SCN11A: variants seen among roughly 807,000 people sequenced by gnomAD.
The protein encoded by SCN11A is sodium voltage-gated channel alpha subunit 11.
A neutral mutation model predicts 162.2 loss-of-function variants in SCN11A; 122 were observed. The ratio of observed to expected loss-of-function variants is 0.75; its 90% confidence interval spans 0.65 to 0.87. The LOEUF (loss-of-function observed/expected upper bound fraction) is 0.87, where lower values mean the gene tolerates loss of function less well. SCN11A is among the 40% of genes least tolerant of loss of function. SCN11A has a pLI of 0.00. For synonymous variants in SCN11A, 758 were observed against 751.5 expected (o/e 1.01, Z -0.14); for missense variants, 2,015 against 2,181.6 (o/e 0.92, Z 1.52).
intron 2 of SCN11A, among the ~76,000 whole-genome samples, chr3:38,965,263 T>C (rs111741028): frequency 1.3e-5 from 2 of 152,172 alleles, no homozygotes; most frequent in Admixed American, 6.5e-5. Flanking sequence ...TAATAATTGT[T>C]TGTGAATAAA....
At chr3:38,892,275 T>A (rs748930616) in intron 19 of SCN11A, among the ~76,000 whole-genome samples, 8 of 152,142 alleles carry the variant, frequency 5.3e-5, no homozygotes, top group Non-Finnish European at 1.2e-4. Context: ...TAAAGAATAC[T>A]AAAGGACATC....
Position 38,846,925 on chromosome 3 carries a change from A to AG in SCN11A, c.5144_5145insC (p.Pro1716SerfsTer7), listed in dbSNP as rs760900397. 10 of 1,613,950 alleles carry AG rather than the reference A, an allele frequency of 6.2e-6. No individual in the cohort carries two copies. The highest frequency in any genetic ancestry group is 8.5e-6 in the Non-Finnish European group (10 of 1,179,974). Reference sequence around the variant, plus strand: ...TGGGTTCATACAACTTCTTGAGAGGATTGGCTTCCATGAACTTCTCTTCCA... The same window carrying AG: ...TGGGTTCATACAACTTCTTGAGAGGAGTTGGCTTCCATGAACTTCTCTTCCA... On this transcript the variant is annotated frameshift_variant, in exon 30 of 30. Coordinates refer to ENST00000302328, the MANE Select transcript of SCN11A (RefSeq NM_001349253.2). LOFTEE classifies it low-confidence loss of function (END_TRUNC).
chr3:38,939,844 G>T (rs2066413224), intron 7 of SCN11A, among the ~76,000 whole-genome samples: 2 of 151,484 alleles, frequency 1.3e-5, no homozygotes, highest in Non-Finnish European at 2.9e-5. Flanking sequence ...AGGAGGTTGT[G>T]GTGAGCCAAA....
chr3:39,005,677 A>AT (rs11400441), intron 2 of SCN11A, among the ~76,000 whole-genome samples: 5,295 of 152,142 alleles, frequency 0.035, 190 homozygotes, highest in East Asian at 0.16. Context: ...AACTATCCAT[A>AT]TTTTTTTATT....
At chr3:38,915,140 C>G (rs898917852) in intron 11 of SCN11A, among the ~76,000 whole-genome samples, 6 of 152,014 alleles carry the variant, frequency 3.9e-5, no homozygotes, top group Non-Finnish European at 7.4e-5. Flanking sequence ...ATTATAGATT[C>G]AATTTTGGAG....
chr3:38,947,805 A>G (rs538211613), intron 5 of SCN11A, among the ~76,000 whole-genome samples: 1 of 152,208 alleles, frequency 6.6e-6, no homozygotes, highest in Non-Finnish European at 1.5e-5. Context: ...AGCTGTCCCC[A>G]TATCTGTCCC....
Position 38,950,333 on chromosome 3 carries a change from A to G in SCN11A, c.30T>C (p.Phe10=), listed in dbSNP as rs139252438. 1.1e-4 allele frequency: 183 copies of G among 1,613,846 alleles called. 1 individual carries two copies. Among genetic ancestry groups the G allele is most frequent in the Admixed American group, 3.3e-5 (2 of 59,996 alleles). Residue 10 remains phenylalanine (F), a synonymous_variant, in exon 5 of 30, where the codon TTT becomes TTC. Coordinates refer to ENST00000302328, the MANE Select transcript of SCN11A (RefSeq NM_001349253.2). The part of the protein sequence containing the change: MDDRCYPVI[F]PDERNFRPFT... Reference sequence around the variant, plus strand: ...AGGGGCGGAAATTCCGCTCATCTGGAAAGATTACTGGGTAGCATCTGTCAT... The same window carrying G: ...AGGGGCGGAAATTCCGCTCATCTGGGAAGATTACTGGGTAGCATCTGTCAT...
intron 24 of SCN11A, 74 bp from the exon 25 acceptor site, chr3:38,871,782 G>T: frequency 8.2e-7 from 1 of 1,224,552 alleles, no homozygotes. Context: ...TCTCAGCATG[G>T]GCCTGATGTG....
At chr3:38,897,509 G>A (rs1172610047) in intron 17 of SCN11A, among the ~76,000 whole-genome samples, 2 of 152,066 alleles carry the variant, frequency 1.3e-5, no homozygotes, top group South Asian at 2.1e-4. Context: ...AAGGTCAGGA[G>A]ATTGAGACCA....
At chr3:38,937,870 C>A (rs987558581) in intron 7 of SCN11A, among the ~76,000 whole-genome samples, 3 of 152,160 alleles carry the variant, frequency 2.0e-5, no homozygotes, top group Non-Finnish European at 4.4e-5. Context: ...CCCAGCCATC[C>A]CATTACTGGG....
intron 7 of SCN11A, among the ~76,000 whole-genome samples, chr3:38,943,491 T>A (rs1477710678): frequency 6.6e-6 from 1 of 152,202 alleles, no homozygotes; most frequent in Non-Finnish European, 1.5e-5. Flanking sequence ...AAAGCAGTAA[T>A]TATGTTAAAC....
chr3:38,966,564 G>A (rs564792363), intron 2 of SCN11A, among the ~76,000 whole-genome samples: 2 of 152,192 alleles, frequency 1.3e-5, no homozygotes, highest in South Asian at 2.1e-4. Flanking sequence ...TATCTGGGCC[G>A]GTATCCATCA....
chr3:38,954,015 C>T (rs1280061407), intron 3 of SCN11A, among the ~76,000 whole-genome samples: 1 of 152,132 alleles, frequency 6.6e-6, no homozygotes, highest in African/African-American at 2.4e-5. Context: ...GATTGTGTTT[C>T]AGGGCCATGA....
At chr3:38,895,507 A>G (rs774929378) in intron 18 of SCN11A, among the ~76,000 whole-genome samples, 13 of 152,218 alleles carry the variant, frequency 8.5e-5, no homozygotes, top group Non-Finnish European at 1.9e-4. Context: ...TGAACCACAT[A>G]TCACTTCAAA....
chr3:38,875,999 G>A (rs991729052), intron 23 of SCN11A, among the ~76,000 whole-genome samples: 5 of 152,014 alleles, frequency 3.3e-5, no homozygotes, highest in African/African-American at 1.2e-4. Context: ...CATGGTACTG[G>A]TATAAAAATA....
chr3:38,981,148 C>T (rs1424416885), intron 2 of SCN11A, among the ~76,000 whole-genome samples: 1 of 152,198 alleles, frequency 6.6e-6, no homozygotes, highest in Non-Finnish European at 1.5e-5. Flanking sequence ...GACACAGTTT[C>T]CAAGGCTACA....
intron 1 of SCN11A, among the ~76,000 whole-genome samples, chr3:39,038,905 C>A (rs966671399): frequency 2.0e-5 from 3 of 152,142 alleles, no homozygotes; most frequent in Non-Finnish European, 4.4e-5. Context: ...TAAGGCCTTC[C>A]CTCCATTTAT....
Position 38,894,770 on chromosome 3 carries a change from T to C in SCN11A, c.2598A>G (p.Gln866=), listed in dbSNP as rs1174659103. The C allele has an allele frequency of 1.2e-6, 2 of 1,614,208 alleles. No individual in the cohort carries two copies. The highest frequency in any genetic ancestry group is 4.5e-5 in the East Asian group (2 of 44,884). The change falls in exon 19 of 30, where the codon CAA becomes CAG. Residue 866 remains glutamine, a synonymous_variant. Coordinates refer to ENST00000302328, the MANE Select transcript of SCN11A (RefSeq NM_001349253.2). ...KWCRKQNLPQ[Q]KEVAGGCAAQ... ...CAGCACAGCCTCCTGCCACCTCTTT[T>C]TGCTGTGGTAAGTTTTGCTTCCTGC...
chr3:39,012,500 T>G (rs2031175586), intron 2 of SCN11A, among the ~76,000 whole-genome samples: 1 of 148,878 alleles, frequency 6.7e-6, no homozygotes, highest in Admixed American at 6.7e-5. Context: ...TTTTTTTTTT[T>G]GACAGAATCT....
Sources: allele counts gnomAD v4.1 joint callset (sites outside exome capture counted in the v4.1 genomes callset), GRCh38; gene constraint gnomAD v4.1.1; transcripts MANE v1.5; gene names NCBI Gene and HGNC (gene_info 2026-07-23, HGNC 2026-07-21).